CNGB1: variants seen among roughly 807,000 people sequenced by gnomAD.
The protein encoded by CNGB1 is cyclic nucleotide gated channel subunit beta 1.
A neutral mutation model predicts 151.7 loss-of-function variants in CNGB1; 126 were observed. The observed-to-expected ratio is 0.83, with a 90% CI of 0.72 to 0.96. The LOEUF is 0.96. Among genes scored for constraint, CNGB1 ranks in the 40% least tolerant of loss-of-function variants. The probability of loss-of-function intolerance (pLI) is 0.00; values close to 1 mark genes in which losing one functional copy is unlikely to be tolerated. For missense variants in CNGB1, 1,698 were observed against 1,627.0 expected (o/e 1.04, Z -0.75); for synonymous variants, 623 against 635.1 (o/e 0.98, Z 0.29).
chr16:57,931,134 T>C (rs1053051274), intron 17 of CNGB1, among the ~76,000 whole-genome samples: 2 of 151,428 alleles, frequency 1.3e-5, no homozygotes, highest in African/African-American at 4.8e-5. Flanking sequence ...TACTATATTA[T>C]TTATTTATTT....
At chr16:57,931,974 T>C in intron 16 of CNGB1, 96 bp from the exon 17 acceptor site, 1 of 1,337,668 alleles carries the variant, frequency 7.5e-7, no homozygotes, top group South Asian at 1.2e-5. Context: ...AGAAAGCATG[T>C]TTGGAGGGGA....
In CNGB1 at chr16:57,887,729, T is replaced by C. The variant is rs77795260; in HGVS notation, c.3462+126A>G. 8.2e-3 allele frequency: 7,683 copies of C among 936,992 alleles called. 362 individuals carry two copies. The African/African-American group carries it at 0.11, about 13-fold the overall frequency. 58.0% of individuals were successfully genotyped at this position (936,992 alleles called of 1,614,324 possible). On this transcript the variant is annotated intron_variant, in intron 32 of 32. Coordinates refer to ENST00000251102, the MANE Select transcript of CNGB1 (RefSeq NM_001297.5). ...CTGTCACTGGTAACCAAATGAGCCC[T>C]GACTGATAGAAAAAGGAGGGGGAAG...
chr16:57,905,522 T>C (rs1596964665), intron 25 of CNGB1, among the ~76,000 whole-genome samples: 1 of 152,008 alleles, frequency 6.6e-6, no homozygotes, highest in South Asian at 2.1e-4. Flanking sequence ...TGGGGGAGGG[T>C]GTCCTACTGT....
At chr16:57,966,996 C>A (rs1174063980) in intron 2 of CNGB1, 132 bp downstream of exon 2, 2 of 1,258,982 alleles carry the variant, frequency 1.6e-6, no homozygotes, top group Non-Finnish European at 2.3e-6. Context: ...AGTGTGGGAC[C>A]CTGTGACCCC....
rs1961506386 is a variant in CNGB1 at position 57,936,326 on chromosome 16, C to T, written c.1372+3104G>A. On this transcript the variant is annotated intron_variant, in intron 16 of 32. Transcript: ENST00000251102. ...CTGTCTGCAATCAGCACCCACATTA[C>T]TCTTCTATTCCATTTCCCTCCTTTC... Among the ~76,000 whole-genome samples, 4 of 152,188 alleles carry T rather than the reference C, an allele frequency of 2.6e-5. No homozygotes were observed. The South Asian group carries it at 6.2e-4, about 24-fold the overall frequency.
At chr16:57,925,346 A>G (rs1384597312) in intron 17 of CNGB1, among the ~76,000 whole-genome samples, 2 of 152,136 alleles carry the variant, frequency 1.3e-5, no homozygotes, top group Non-Finnish European at 2.9e-5. Flanking sequence ...GTATTTCTTT[A>G]CAACAATGCA....
intron 16 of CNGB1, among the ~76,000 whole-genome samples, chr16:57,935,026 A>C (rs1462359700): frequency 3.5e-4 from 53 of 151,146 alleles, no homozygotes; most frequent in African/African-American, 1.2e-3. Flanking sequence ...AGCCTGGGCA[A>C]CAGAGCAAGA....
In CNGB1 at chr16:57,917,422, C is replaced by T. The variant is rs1160304718; in HGVS notation, c.2012G>A (p.Cys671Tyr). The T allele has an allele frequency of 6.2e-7, 1 of 1,614,142 alleles. No individual in the cohort carries two copies. The highest frequency in any genetic ancestry group is 8.5e-7 in the Non-Finnish European group (1 of 1,180,028). Reference protein sequence around the residue: ...FFVVMAWNWNCWLIPVRWAFP... With the variant: ...FFVVMAWNWNYWLIPVRWAFP... Reference sequence around the variant, plus strand: ...GGCCCAGCGCACGGGAATCAGCCAACAGTTCCAATTCCAGGCCATCACCAC... The same window carrying T: ...GGCCCAGCGCACGGGAATCAGCCAATAGTTCCAATTCCAGGCCATCACCAC... The change falls in exon 21 of 33, where the codon TGT becomes TAT. Residue 671 changes from cysteine to tyrosine, a missense_variant. Cys to Tyr is a radical substitution (Grantham distance 194). Transcript: ENST00000251102.
rs538649241 is a variant in CNGB1, at chr16:57,905,111, C to T, written c.2493-236G>A. Among the ~76,000 whole-genome samples the T allele has an allele frequency of 7.2e-5, 11 of 152,290 alleles. No homozygotes were observed. In the South Asian group the frequency reaches 2.3e-3, roughly 32 times the overall value. On this transcript the variant is annotated intron_variant, in intron 25 of 32. Transcript: ENST00000251102. ...GTCTCTAGGGACATGTTGCCATCCC[C>T]ATTTACAGATATGGAAACTGAGGCT...
At chr16:57,921,562 C>T (rs1403891215) in intron 18 of CNGB1, among the ~76,000 whole-genome samples, 3 of 151,988 alleles carry the variant, frequency 2.0e-5, no homozygotes, top group Non-Finnish European at 2.9e-5. Context: ...ACAGGTGTGG[C>T]GGGGACATGA....
intron 14 of CNGB1, among the ~76,000 whole-genome samples, chr16:57,942,525 G>C (rs1387155407): frequency 1.3e-5 from 2 of 152,094 alleles, no homozygotes; most frequent in Non-Finnish European, 2.9e-5. Context: ...TAATCAAGAA[G>C]GTGACAGAAC....
intron 3 of CNGB1, 104 bp from the exon 4 acceptor site, chr16:57,964,306 GT>G: frequency 7.1e-7 from 1 of 1,410,024 alleles, no homozygotes; most frequent in Non-Finnish European, 1.0e-6. Flanking sequence ...ACCCCCAGGG[GT>G]CAGAAAGCCA....
intron 19 of CNGB1, among the ~76,000 whole-genome samples, chr16:57,919,985 C>T (rs1240927303): frequency 6.6e-6 from 1 of 152,118 alleles, no homozygotes; most frequent in African/African-American, 2.4e-5. Context: ...TTCGGATAGC[C>T]TCAATAAGAA....
chr16:57,955,056 T>C, intron 12 of CNGB1: 1 of 1,297,342 alleles, frequency 7.7e-7, no homozygotes, highest in Non-Finnish European at 9.8e-7. Context: ...GCTATGGGCC[T>C]TTTCCACAGC....
At chr16:57,956,216 C>T (rs967190379) in intron 12 of CNGB1, among the ~76,000 whole-genome samples, 8 of 151,936 alleles carry the variant, frequency 5.3e-5, no homozygotes, top group Non-Finnish European at 8.8e-5. Flanking sequence ...CAGGTGGACT[C>T]GATTTGCTCT....
At chr16:57,939,635 C>A in intron 15 of CNGB1, 43 bp from the exon 16 acceptor site, 9 of 1,613,456 alleles carry the variant, frequency 5.6e-6, no homozygotes, top group Non-Finnish European at 7.6e-6. Flanking sequence ...ACCATCAGCC[C>A]CCAGCCCTAG....
intron 29 of CNGB1, among the ~76,000 whole-genome samples, chr16:57,899,579 G>C (rs549217885): frequency 1.3e-5 from 2 of 152,226 alleles, no homozygotes; most frequent in African/African-American, 2.4e-5. Context: ...GGCGGAGGTT[G>C]CAGTGAGCCG....
Position 57,926,004 on chromosome 16 carries a change from AG to A in CNGB1, c.1536-2625del, listed in dbSNP as rs530540611. 2.5e-3 allele frequency among the ~76,000 whole-genome samples: 381 copies of A among 152,310 alleles called. 2 individuals are homozygous for A. Among genetic ancestry groups the A allele is most frequent in the Middle Eastern group, 0.014 (4 of 294 alleles). On this transcript the variant is annotated intron_variant, in intron 17 of 32. Transcript: ENST00000251102. ...CCCCCGGCCATGATTACTTTTTACC[AG>A]GGCCTTCATTTCCGTGAGGTTTGAT...
intron 32 of CNGB1, 138 bp from the exon 33 acceptor site, chr16:57,884,595 T>TG: frequency 2.2e-6 from 2 of 889,774 alleles, no homozygotes; most frequent in Non-Finnish European, 1.8e-6. Flanking sequence ...ATCTAGTGGG[T>TG]GGGGTGGAGC....
Sources: gnomAD v4.1 joint callset for allele counts (sites outside exome capture counted in the v4.1 genomes callset) on GRCh38, gnomAD v4.1.1 for gene constraint, MANE v1.5 for transcripts, NCBI Gene and HGNC (gene_info 2026-07-23, HGNC 2026-07-21) for gene names.